The following KCNC4 variants were observed in gnomAD, a reference collection of about 807,000 sequenced individuals.
The protein encoded by KCNC4 is potassium voltage-gated channel subfamily C member 4, also known as voltage-gated potassium channel KCNC4.
Under a neutral mutation model 42.8 loss-of-function variants are expected in KCNC4, and 23 were observed. That is an observed-to-expected ratio of 0.54 (90% CI 0.39 to 0.76). KCNC4 has a LOEUF of 0.76. Among genes scored for constraint, KCNC4 ranks in the 30% least tolerant of loss-of-function variants. KCNC4 has a pLI of 0.00. For synonymous variants in KCNC4, 422 were observed against 393.5 expected (o/e 1.07, Z -0.86); for missense variants, 751 against 898.2 (o/e 0.84, Z 2.10).
intron 1 of KCNC4, among the ~76,000 whole-genome samples, chr1:110,217,572 C>T (rs1657865216): frequency 1.3e-5 from 2 of 152,138 alleles, no homozygotes; most frequent in Admixed American, 6.5e-5. Flanking sequence ...GATAGTGATC[C>T]GGGCTAGACT....
exon 4 of KCNC4, chr1:110,239,535 C>T (rs1450608740): frequency 6.6e-6 from 1 of 152,176 alleles, no homozygotes; most frequent in Non-Finnish European, 1.5e-5. Flanking sequence ...GCCTGCTTCC[C>T]TGTAAGTTGC....
intron 3 of KCNC4, among the ~76,000 whole-genome samples, chr1:110,227,827 G>A (rs572541252): frequency 1.8e-4 from 27 of 152,314 alleles, no homozygotes; most frequent in African/African-American, 3.8e-4. Flanking sequence ...GAGGGACCAC[G>A]AGGTACTGGG....
Position 110,223,995 on chromosome 1 carries a change from T to C in KCNC4, c.1615+95T>C, listed in dbSNP as rs1456461734. 4.1e-6 allele frequency: 4 copies of C among 972,414 alleles called. No homozygotes were observed. The East Asian group carries it at 7.8e-5, about 19-fold the overall frequency. The allele number at this position is 972,414 out of a possible 1,614,324, so 60.2% of individuals were successfully genotyped here. ...AGACCTTGGGATTTGGCATGTGTTT[T>C]GTGTGGGGCTTCCCTAAGCATAAAG... On this transcript the variant is annotated intron_variant, in intron 2 of 3. Coordinates refer to ENST00000438661, the MANE Select transcript of KCNC4 (RefSeq NM_001039574.3). The surrounding 1 kb of genome is among the most constrained non-coding windows in gnomAD (Gnocchi z 7.5).
Position 110,211,388 on chromosome 1 carries a change from C to A in KCNC4, c.-112C>A. 3 of 1,442,712 alleles carry A rather than the reference C, an allele frequency of 2.1e-6. No individual in the cohort carries two copies. The highest frequency in any genetic ancestry group is 2.8e-6 in the Non-Finnish European group (3 of 1,083,680). 89.4% of individuals were successfully genotyped at this position (1,442,712 alleles called of 1,614,324 possible). A position where few individuals can be genotyped will look rare whatever the true frequency, so the allele number is the denominator to read the frequency against. On this transcript the variant is annotated 5_prime_UTR_variant, in exon 1 of 4. Coordinates refer to ENST00000438661, the MANE Select transcript of KCNC4 (RefSeq NM_001039574.3). This position sits in a 1 kb window ranked among gnomAD's most constrained non-coding sequence, Gnocchi z 6.5. ...CCCAAGCCGCAGAGGGGGCCGCCAC[C>A]GCCTCCTGCCTCCTCTTCGTCTCCT...
intron 3 of KCNC4, 84 bp downstream of exon 3, chr1:110,226,262 C>A (rs748857061): frequency 2.5e-6 from 3 of 1,217,250 alleles, no homozygotes; most frequent in East Asian, 4.8e-5. Flanking sequence ...GAGGTCCCCC[C>A]CTCCCCTGAG....
chr1:110,281,401 G>C (rs1659821309), intron 1 of KCNC4, among the ~76,000 whole-genome samples: 1 of 151,946 alleles, frequency 6.6e-6, no homozygotes, highest in African/African-American at 2.4e-5. Context: ...CTACCTATTT[G>C]GGGGCTCCCA....
chr1:110,224,016 T>C (rs1394212830), intron 2 of KCNC4, 116 bp downstream of exon 2: 2 of 846,520 alleles, frequency 2.4e-6, no homozygotes. Context: ...TCCCTAAGCA[T>C]AAAGATGTGC....
At chr1:110,218,002 T>G (rs1326696170) in intron 1 of KCNC4, among the ~76,000 whole-genome samples, 2 of 152,164 alleles carry the variant, frequency 1.3e-5, no homozygotes, top group Non-Finnish European at 2.9e-5. Flanking sequence ...TCTGCCAGTG[T>G]CTTTGGCTGT....
downstream of KCNC4, chr1:110,234,940 GC>G (rs1164831967): frequency 2.0e-5 from 3 of 152,220 alleles, no homozygotes; most frequent in African/African-American, 7.2e-5. Context: ...AATAATGATG[GC>G]CCCTGTTTCA....
intron 1 of KCNC4, among the ~76,000 whole-genome samples, chr1:110,265,678 C>T (rs1171417478): frequency 6.6e-6 from 1 of 152,176 alleles, no homozygotes; most frequent in East Asian, 1.9e-4. Context: ...ACCAGGGAGC[C>T]TGTTCTGGGG....
At chr1:110,249,337 A>G (rs920598189), downstream of KCNC4, among the ~76,000 whole-genome samples, 1 of 152,176 alleles carries the variant, frequency 6.6e-6, no homozygotes, top group African/African-American at 2.4e-5. Context: ...CCATCTCCAC[A>G]ATAAGGGATG....
intron 1 of KCNC4, among the ~76,000 whole-genome samples, chr1:110,262,005 T>C (rs940157886): frequency 2.6e-5 from 4 of 152,244 alleles, no homozygotes; most frequent in Non-Finnish European, 5.9e-5. Context: ...TTTCCATCAT[T>C]ACACAATTTT....
chr1:110,235,664 G>C (rs534505833), downstream of KCNC4: 1 of 152,306 alleles, frequency 6.6e-6, no homozygotes, highest in African/African-American at 2.4e-5. Context: ...GCAGCAGACT[G>C]CCCCTCCTCC....
At chr1:110,215,285 G>A (rs538901458) in intron 1 of KCNC4, among the ~76,000 whole-genome samples, 99 of 152,344 alleles carry the variant, frequency 6.5e-4, no homozygotes, top group African/African-American at 2.3e-3. Flanking sequence ...GGGCCCATGG[G>A]CAGCTGCTGC....
intron 1 of KCNC4, among the ~76,000 whole-genome samples, chr1:110,280,956 G>A (rs1239053603): frequency 1.3e-5 from 2 of 152,148 alleles, no homozygotes; most frequent in East Asian, 3.9e-4. Flanking sequence ...GTTTCTCCAG[G>A]AGCCCTCCTC....
chr1:110,270,562 GGGAGATAAGCTGCTGACT>G, intron 1 of KCNC4, among the ~76,000 whole-genome samples: 1 of 152,330 alleles, frequency 6.6e-6, no homozygotes, highest in South Asian at 2.1e-4. Flanking sequence ...AACTTCTTTA[GGGAGATAAGCTGCTGACT>G]GGAGGGTGTG....
chr1:110,259,192 G>A (rs1160681628), intron 1 of KCNC4, among the ~76,000 whole-genome samples: 2 of 152,194 alleles, frequency 1.3e-5, no homozygotes, highest in Admixed American at 1.3e-4. Context: ...CTGTCCCCAA[G>A]GAAATTGTTC....
At position 110,223,825 on chromosome 1, in the gene KCNC4, T is replaced by A. The variant is rs759363747; in HGVS notation, c.1540T>A (p.Ser514Thr). The change falls in exon 2 of 4, where the codon TCC (serine) becomes ACC (threonine). Residue 514 changes from serine (S) to threonine (T), a missense_variant. By Grantham distance (58) the Ser-to-Thr change is moderately conservative. Around this residue, in one of 4 missense-constraint regions of KCNC4, gnomAD observed 202 missense variants for 181.5 expected, o/e 1.11. Coordinates refer to ENST00000438661, the MANE Select transcript of KCNC4 (RefSeq NM_001039574.3). The surrounding 1 kb of genome is among the most constrained non-coding windows in gnomAD (Gnocchi z 7.5). ...CATGTACTGCAAGTCTGAGGAGACTTCCCCCCGGGACAGCACCTGCAGTGA... is the reference window on the plus strand; with the variant it reads ...CATGTACTGCAAGTCTGAGGAGACTACCCCCCGGGACAGCACCTGCAGTGA... Reference protein sequence around the residue: ...SPMYCKSEETSPRDSTCSDTS... With the variant: ...SPMYCKSEETTPRDSTCSDTS... 1 of 1,613,012 alleles carries A rather than the reference T, an allele frequency of 6.2e-7. No homozygotes were observed. Among genetic ancestry groups the A allele is most frequent in the South Asian group, 1.1e-5 (1 of 91,002 alleles).
At chr1:110,213,170 TAAA>T (rs760587471) in intron 1 of KCNC4, among the ~76,000 whole-genome samples, 132 of 50,838 alleles carry the variant, frequency 2.6e-3, no homozygotes, top group African/African-American at 0.011. Context: ...CTTCGACAGC[TAAA>T]AAAAAAAAAA....
Sources: allele counts gnomAD v4.1 joint callset (sites outside exome capture counted in the v4.1 genomes callset), GRCh38; gene constraint gnomAD v4.1.1; regional missense constraint gnomAD v4.1.1; non-coding constraint Gnocchi (gnomAD v3.1); transcripts MANE v1.5; gene names NCBI Gene and HGNC (gene_info 2026-07-23, HGNC 2026-07-21).